PRDM2: variants seen among roughly 807,000 people sequenced by gnomAD.
PRDM2 encodes the protein PR/SET domain 2.
Under a neutral mutation model 130.0 loss-of-function variants are expected in PRDM2, and 30 were observed. The ratio of observed to expected loss-of-function variants is 0.23; its 90% CI spans 0.17 to 0.31. The LOEUF is 0.31. Ranked by LOEUF, PRDM2 falls within the 10% of genes least tolerant of loss-of-function variation. The pLI, the probability that PRDM2 is intolerant of heterozygous loss-of-function variation, is 1.00. For synonymous variants in PRDM2, 871 were observed against 782.4 expected (o/e 1.11, Z -1.89); for missense variants, 2,011 against 2,108.4 (o/e 0.95, Z 0.90).
chr1:13,812,938 G>T (rs559478428), intron 8 of PRDM2, among the ~76,000 whole-genome samples: 6 of 152,274 alleles, frequency 3.9e-5, no homozygotes, highest in Non-Finnish European at 8.8e-5. Context: ...GAGGCTCCGA[G>T]GCCGAGCGAC....
At chr1:13,758,447 A>T (rs1484520355) in intron 6 of PRDM2, among the ~76,000 whole-genome samples, 1 of 108,132 alleles carries the variant, frequency 9.2e-6, no homozygotes, top group African/African-American at 4.3e-5. Flanking sequence ...ACTTTGTCTC[A>T]AAAAAAAAAA....
rs560809549 is a variant in PRDM2, at chr1:13,813,241, C to A, written c.5037-3186C>A. On this transcript the variant is annotated intron_variant, in intron 8 of 9. Transcript: ENST00000311066. ...ACAGGTCCATGACTCACTGAGGTCA[C>A]ACAGCTAGTGGGTGGGAACCAAGAA... Among the ~76,000 whole-genome samples the A allele has an allele frequency of 1.8e-3, 271 of 152,336 alleles. 1 individual carries two copies. In the Middle Eastern group the frequency reaches 0.02, roughly 11 times the overall value.
At chr1:13,784,886 C>G (rs549932958) in intron 8 of PRDM2, among the ~76,000 whole-genome samples, 1 of 152,308 alleles carries the variant, frequency 6.6e-6, no homozygotes, top group African/African-American at 2.4e-5. Flanking sequence ...GGAATGTGAT[C>G]CAGGGGTCCA....
intron 1 of PRDM2, among the ~76,000 whole-genome samples, chr1:13,715,011 A>T (rs1020085764): frequency 2.6e-5 from 4 of 152,240 alleles, no homozygotes; most frequent in African/African-American, 9.6e-5. Flanking sequence ...CTGTTTCCCA[A>T]CATCTTTTAT....
At chr1:13,737,434 A>G (rs529713935) in intron 4 of PRDM2, among the ~76,000 whole-genome samples, 4 of 152,192 alleles carry the variant, frequency 2.6e-5, no homozygotes, top group Non-Finnish European at 5.9e-5. Flanking sequence ...TGGAGACCAT[A>G]TGGCCTGCAA....
intron 7 of PRDM2, among the ~76,000 whole-genome samples, chr1:13,777,636 C>CCG (rs1491248174): frequency 7.0e-4 from 2 of 2,848 alleles, no homozygotes; most frequent in Non-Finnish European, 9.6e-4. Flanking sequence ...CCTCCTCCCA[C>CCG]CCCCCCCCCC....
rs538753404 is a variant in PRDM2, at chr1:13,709,430, CTG to C, written c.-65-6109_-65-6108del. Among the ~76,000 whole-genome samples, 170 of 152,262 alleles carry C rather than the reference CTG, an allele frequency of 1.1e-3. 1 individual carries two copies. The highest frequency in any genetic ancestry group is 3.9e-3 in the African/African-American group (163 of 41,552). The stretch of plus-strand genomic sequence containing the variant: ...AATAGCATTTTAAAATCAATAAAAA[CTG>C]TTTTTGAGAAGTTGGCATATTTCAG... On this transcript the variant is annotated intron_variant, in intron 1 of 9. Coordinates refer to ENST00000311066, the MANE Select transcript of PRDM2 (RefSeq NM_001393986.1).
chr1:13,743,313 G>T (rs951970434), intron 5 of PRDM2, among the ~76,000 whole-genome samples: 1 of 148,552 alleles, frequency 6.7e-6, no homozygotes. Context: ...GGCAGGAGAA[G>T]GGCGTGAACC....
At position 13,824,954 on chromosome 1, in the gene PRDM2, A is replaced by G. The variant is rs1036700699; in HGVS notation, c.*1819A>G. 6.6e-6 allele frequency: 1 copy of G among 152,626 alleles called. No homozygotes were observed. The highest frequency in any genetic ancestry group is 6.5e-5 in the Admixed American group (1 of 15,280). The allele number at this position is 152,626 out of a possible 1,614,324, so 9.5% of individuals were successfully genotyped here. On this transcript the variant is annotated 3_prime_UTR_variant, in exon 10 of 10. Transcript: ENST00000311066. ...GGTCAGGAAAACTGTTCCAATCATG[A>G]AAAGGGGGGATGATTTTGTAAAAGT...
intron 2 of PRDM2, among the ~76,000 whole-genome samples, chr1:13,725,270 C>A (rs1642874097): frequency 6.6e-6 from 1 of 152,072 alleles, no homozygotes; most frequent in South Asian, 2.1e-4. Context: ...AGTGGCATAA[C>A]CTCGGCTCAC....
intron 8 of PRDM2, among the ~76,000 whole-genome samples, chr1:13,793,156 G>C (rs1421094350): frequency 1.3e-5 from 2 of 152,228 alleles, no homozygotes; most frequent in South Asian, 2.1e-4. Flanking sequence ...CCTTACCTGG[G>C]TGCTGTTAGT....
Position 13,742,118 on chromosome 1 carries a change from A to G in PRDM2, c.345A>G (p.Pro115=). 1 of 1,614,006 alleles carries G rather than the reference A, an allele frequency of 6.2e-7. No individual in the cohort carries two copies. The highest frequency in any genetic ancestry group is 8.5e-7 in the Non-Finnish European group (1 of 1,179,850). ...ACSGEEQNLF[P]LEINRAIYYK... The stretch of plus-strand genomic sequence containing the variant: ...CAGGAGAAGAGCAAAATTTATTCCC[A>G]CTGGAAATCAACAGAGCCATTTACT... The change falls in exon 5 of 10, where the codon CCA becomes CCG. Residue 115 remains proline, a synonymous_variant. Coordinates refer to ENST00000311066, the MANE Select transcript of PRDM2 (RefSeq NM_001393986.1).
intron 6 of PRDM2, among the ~76,000 whole-genome samples, chr1:13,761,294 A>G (rs1012534329): frequency 2.0e-5 from 3 of 152,236 alleles, no homozygotes; most frequent in African/African-American, 7.2e-5. Context: ...GACAGCCCTG[A>G]AAGTAATTGT....
In PRDM2 at chr1:13,779,068, C is replaced by G; in HGVS notation, c.1273C>G (p.Gln425Glu). The change falls in exon 8 of 10, where the codon CAG (glutamine) becomes GAG (glutamate). Residue 425 changes from glutamine (Q) to glutamate (E), a missense_variant. Physicochemically the swap from Gln to Glu is conservative, Grantham distance 29 (BLOSUM62 2). Coordinates refer to ENST00000311066, the MANE Select transcript of PRDM2 (RefSeq NM_001393986.1). This position sits in a 1 kb window ranked among gnomAD's most constrained non-coding sequence, Gnocchi z 4.9. ...GLKRKPSQTLQPSEDLADGKA... is the reference protein window; with the variant it reads ...GLKRKPSQTLEPSEDLADGKA... ...AAAGCGGAAACCCAGCCAAACACTACAGCCGTCAGAGGATCTGGCTGATGG... is the reference window on the plus strand; with the variant it reads ...AAAGCGGAAACCCAGCCAAACACTAGAGCCGTCAGAGGATCTGGCTGATGG... The G allele has an allele frequency of 6.2e-7, 1 of 1,614,202 alleles. No homozygotes were observed. Among genetic ancestry groups the G allele is most frequent in the Non-Finnish European group, 8.5e-7 (1 of 1,180,038 alleles).
chr1:13,748,097 C>T (rs150698895), intron 5 of PRDM2, among the ~76,000 whole-genome samples: 41 of 152,316 alleles, frequency 2.7e-4, no homozygotes, highest in African/African-American at 9.6e-4. Context: ...TTAGATTCGA[C>T]GTATGCATTT....
intron 8 of PRDM2, among the ~76,000 whole-genome samples, chr1:13,810,874 G>A (rs547870378): frequency 5.3e-5 from 8 of 152,180 alleles, no homozygotes; most frequent in Non-Finnish European, 1.2e-4. Flanking sequence ...CCTGCATGCA[G>A]TGAGCTTCTG....
chr1:13,767,039 G>A (rs1449078584), intron 6 of PRDM2, among the ~76,000 whole-genome samples: 2 of 152,106 alleles, frequency 1.3e-5, no homozygotes, highest in African/African-American at 4.8e-5. Context: ...TTTTAATTTT[G>A]TAACTCATAT....
rs1040275782 is a variant in PRDM2, at chr1:13,772,974, G to T, written c.512-104G>T. On this transcript the variant is annotated intron_variant, in intron 6 of 9. Coordinates refer to ENST00000311066, the MANE Select transcript of PRDM2 (RefSeq NM_001393986.1). ...CAGGAATATACAGTGTTCTTGATTG[G>T]ATTAATAATTATCTTCAGTAATTCA... The T allele has an allele frequency of 8.7e-6, 6 of 688,832 alleles. No individual in the cohort carries two copies. The East Asian group carries it at 1.8e-4, about 20-fold the overall frequency. The allele number at this position is 688,832 out of a possible 1,614,324, so 42.7% of individuals were successfully genotyped here. A position where few individuals can be genotyped will look rare whatever the true frequency, so the allele number is the denominator to read the frequency against.
intron 1 of PRDM2, among the ~76,000 whole-genome samples, chr1:13,704,435 C>A (rs1286722200): frequency 2.6e-5 from 4 of 152,046 alleles, no homozygotes; most frequent in Admixed American, 1.3e-4. Context: ...ATTTATTAGT[C>A]CTTTGGAACA....
Sources: allele counts gnomAD v4.1 joint callset (sites outside exome capture counted in the v4.1 genomes callset), GRCh38; gene constraint gnomAD v4.1.1; non-coding constraint Gnocchi (gnomAD v3.1); transcripts MANE v1.5; gene names NCBI Gene and HGNC (gene_info 2026-07-23, HGNC 2026-07-21).